Variants in RABGAP1L observed in about 807,000 individuals in gnomAD.
RABGAP1L encodes the protein rab GTPase-activating protein 1-like.
In RABGAP1L, 63 loss-of-function variants were observed where a neutral mutation model predicts 137.7. The observed-to-expected ratio is 0.46, with a 90% CI of 0.37 to 0.56. The LOEUF (loss-of-function observed/expected upper bound fraction) is 0.56. Ranked by LOEUF, RABGAP1L falls within the 20% of genes least tolerant of loss-of-function variation. The pLI is 0.00. For synonymous variants in RABGAP1L, 431 were observed against 433.7 expected, an observed-to-expected ratio of 0.99 and a Z score of 0.08; for missense variants, 1,095 against 1,244.0, an observed-to-expected ratio of 0.88 and a Z score of 1.80.
chr1:174,935,861 A>G (rs2149272955), intron 19 of RABGAP1L, among the ~76,000 whole-genome samples: 1 of 152,020 alleles, frequency 6.6e-6, no homozygotes, highest in South Asian at 2.1e-4. Flanking sequence ...CATGCCTGTA[A>G]TCCCAGCTAC....
At chr1:174,723,226 C>T (rs1036190953) in intron 17 of RABGAP1L, among the ~76,000 whole-genome samples, 1 of 152,136 alleles carries the variant, frequency 6.6e-6, no homozygotes, top group South Asian at 2.1e-4. Flanking sequence ...AGGTGTCCAC[C>T]ACCACGCCTG....
At chr1:174,535,948 A>G (rs1243748062) in intron 13 of RABGAP1L, among the ~76,000 whole-genome samples, 3 of 152,180 alleles carry the variant, frequency 2.0e-5, no homozygotes, top group Non-Finnish European at 4.4e-5. Context: ...CTGTTACAGG[A>G]CAGTGCCTGC....
chr1:174,984,277 A>G (rs186004298), intron 24 of RABGAP1L, among the ~76,000 whole-genome samples: 1 of 152,306 alleles, frequency 6.6e-6, no homozygotes, highest in Admixed American at 6.5e-5. Context: ...AAATAACAAA[A>G]TGAGAATTTA....
At chr1:174,943,599 G>C (rs1214692529) in intron 19 of RABGAP1L, among the ~76,000 whole-genome samples, 1 of 152,228 alleles carries the variant, frequency 6.6e-6, no homozygotes, top group African/African-American at 2.4e-5. Context: ...ACTTTGGGAG[G>C]CTGAGGTAGG....
chr1:174,218,444 G>A (rs894306183), intron 1 of RABGAP1L, among the ~76,000 whole-genome samples: 3 of 152,128 alleles, frequency 2.0e-5, no homozygotes, highest in Non-Finnish European at 4.4e-5. Flanking sequence ...GATAGTGAGT[G>A]TTGTTTCTAT....
At chr1:174,650,125 C>T (rs188682535) in intron 14 of RABGAP1L, among the ~76,000 whole-genome samples, 1 of 152,074 alleles carries the variant, frequency 6.6e-6, no homozygotes, top group African/African-American at 2.4e-5. Flanking sequence ...TGTTTATATG[C>T]TGGATTACAT....
chr1:174,413,656 T>G (rs1207539936), intron 13 of RABGAP1L, among the ~76,000 whole-genome samples: 1 of 152,154 alleles, frequency 6.6e-6, no homozygotes, highest in Non-Finnish European at 1.5e-5. Flanking sequence ...TTTTATTTTT[T>G]CTGTACCCTC....
rs1371194846 is a variant in RABGAP1L, at chr1:174,718,855, TTGA to T, written c.2169+16600_2169+16602del. On this transcript the variant is annotated intron_variant, in intron 17 of 25. Coordinates refer to ENST00000681986, the MANE Select transcript of RABGAP1L (RefSeq NM_001366446.1). ...TCTTTTCCTTTTTTTTTTTTTTTTT[TTGA>T]GACAGAGTTTCGCTCTTGTTGCCCA... is the stretch of plus-strand genomic sequence containing the variant. Among the ~76,000 whole-genome samples, 5 of 149,948 alleles carry T rather than the reference TTGA, an allele frequency of 3.3e-5. No individual in the cohort carries two copies. In the East Asian group the frequency reaches 9.7e-4, roughly 29 times the overall value.
chr1:174,496,747 G>A (rs1660769522), intron 13 of RABGAP1L, among the ~76,000 whole-genome samples: 2 of 152,144 alleles, frequency 1.3e-5, no homozygotes. Flanking sequence ...GTACCTAGTT[G>A]CCATCCCAGG....
At chr1:174,840,649 A>C (rs1280856557) in intron 19 of RABGAP1L, among the ~76,000 whole-genome samples, 23 of 146,730 alleles carry the variant, frequency 1.6e-4, no homozygotes, top group Non-Finnish European at 2.7e-4. Context: ...AAAAAAAAAC[A>C]AAAAAAAAGA....
chr1:174,800,272 A>G (rs1688636249), intron 18 of RABGAP1L: 1 of 1,485,494 alleles, frequency 6.7e-7, no homozygotes, highest in African/African-American at 1.4e-5. Context: ...CTCCCACCGC[A>G]GTTCTTAATA....
chr1:174,508,772 A>G (rs1662064318), intron 13 of RABGAP1L, among the ~76,000 whole-genome samples: 1 of 152,112 alleles, frequency 6.6e-6, no homozygotes, highest in Admixed American at 6.6e-5. Flanking sequence ...TTGTAAACTT[A>G]TTTTCTTCTC....
At chr1:174,783,245 G>C (rs1687162533) in intron 18 of RABGAP1L, among the ~76,000 whole-genome samples, 1 of 152,160 alleles carries the variant, frequency 6.6e-6, no homozygotes. Context: ...TCCTATTCTA[G>C]CCAAACACTA....
At chr1:174,484,783 A>G (rs1242122592) in intron 13 of RABGAP1L, among the ~76,000 whole-genome samples, 2 of 152,110 alleles carry the variant, frequency 1.3e-5, no homozygotes, top group African/African-American at 4.8e-5. Context: ...GAAGTCAGTA[A>G]TGTGATTCTT....
chr1:174,474,146 A>C (rs1658242912), intron 13 of RABGAP1L, among the ~76,000 whole-genome samples: 1 of 152,190 alleles, frequency 6.6e-6, no homozygotes, highest in Non-Finnish European at 1.5e-5. Context: ...GTAGTTAATA[A>C]ATACTGCATT....
intron 19 of RABGAP1L, among the ~76,000 whole-genome samples, chr1:174,833,408 G>GTGTGTATATA (rs754029582): frequency 3.3e-4 from 22 of 67,680 alleles, no homozygotes; most frequent in Non-Finnish European, 6.1e-4. Context: ...GTGTATGTGT[G>GTGTGTATATA]TATGTGTGTG....
chr1:174,963,266 T>C (rs1669326821), intron 20 of RABGAP1L, among the ~76,000 whole-genome samples: 1 of 152,184 alleles, frequency 6.6e-6, no homozygotes, highest in Admixed American at 6.5e-5. Flanking sequence ...TATGATAACT[T>C]AATGATAAAC....
At chr1:174,229,503 T>A (rs1670457212) in intron 3 of RABGAP1L, among the ~76,000 whole-genome samples, 1 of 152,072 alleles carries the variant, frequency 6.6e-6, no homozygotes, top group Non-Finnish European at 1.5e-5. Context: ...TGACCTGTGC[T>A]TTTCTAGAGG....
chr1:174,355,141 C>T (rs1227873074), intron 11 of RABGAP1L, among the ~76,000 whole-genome samples: 1 of 152,118 alleles, frequency 6.6e-6, no homozygotes, highest in African/African-American at 2.4e-5. Flanking sequence ...ATAAATCATA[C>T]TGCTATAAAG....
Sources: gnomAD v4.1 joint callset for allele counts (sites outside exome capture counted in the v4.1 genomes callset) on GRCh38, gnomAD v4.1.1 for gene constraint, MANE v1.5 for transcripts, NCBI Gene and HGNC (gene_info 2026-07-23, HGNC 2026-07-21) for gene names.